The following APBB2 variants were observed in gnomAD, a reference collection of about 807,000 sequenced individuals.
APBB2 encodes amyloid beta precursor protein binding family B member 2, also known as Fe65-like 1.
Under a neutral mutation model 82.5 loss-of-function variants are expected in APBB2, and 38 were observed. The observed-to-expected ratio is 0.46, with a 90% confidence interval of 0.36 to 0.60. The LOEUF is 0.60. APBB2 is among the 20% of genes least tolerant of loss of function. The probability of loss-of-function intolerance (pLI) is 0.00; values close to 1 mark genes in which losing one functional copy is unlikely to be tolerated. For synonymous variants in APBB2, 341 were observed against 368.2 expected (o/e 0.93, Z 0.85); for missense variants, 772 against 972.3 (o/e 0.79, Z 2.74).
At chr4:40,900,063 T>C (rs1403349304) in intron 10 of APBB2, among the ~76,000 whole-genome samples, 1 of 152,182 alleles carries the variant, frequency 6.6e-6, no homozygotes, top group Non-Finnish European at 1.5e-5. Context: ...CCAGAACATA[T>C]AACAACGTTA....
chr4:40,996,197 T>C (rs943426353), intron 6 of APBB2, among the ~76,000 whole-genome samples: 3 of 152,248 alleles, frequency 2.0e-5, no homozygotes, highest in African/African-American at 7.2e-5. Context: ...GAGAGTTCAT[T>C]GGTGAATGAG....
At chr4:40,818,422 G>A (rs534459143) in intron 17 of APBB2, among the ~76,000 whole-genome samples, 1 of 152,202 alleles carries the variant, frequency 6.6e-6, no homozygotes, top group African/African-American at 2.4e-5. Flanking sequence ...AAAACTCATT[G>A]TCGTTATCAC....
chr4:40,881,100 A>C, intron 12 of APBB2: 1 of 985,436 alleles, frequency 1.0e-6, no homozygotes, highest in Non-Finnish European at 1.2e-6. Flanking sequence ...GCCACTTTTA[A>C]AGAGATAAAA....
At chr4:40,866,500 C>T (rs1282051657) in intron 12 of APBB2, among the ~76,000 whole-genome samples, 3 of 152,094 alleles carry the variant, frequency 2.0e-5, no homozygotes, top group Non-Finnish European at 4.4e-5. Flanking sequence ...TCTTCCTCCT[C>T]ACTTTGCTTT....
chr4:41,039,656 C>T (rs1048960297), intron 4 of APBB2, among the ~76,000 whole-genome samples: 1 of 152,060 alleles, frequency 6.6e-6, no homozygotes, highest in African/African-American at 2.4e-5. Context: ...GCCAAGAATT[C>T]AAGACCAGCC....
chr4:40,871,194 G>A (rs1003759498), intron 12 of APBB2, among the ~76,000 whole-genome samples: 1 of 151,958 alleles, frequency 6.6e-6, no homozygotes, highest in African/African-American at 2.4e-5. Flanking sequence ...CAGGCTAGAG[G>A]GCAATGTTGC....
intron 2 of APBB2, among the ~76,000 whole-genome samples, chr4:41,117,856 C>T (rs1751554522): frequency 1.3e-5 from 2 of 152,112 alleles, no homozygotes; most frequent in Non-Finnish European, 2.9e-5. Flanking sequence ...GGCAACTGTT[C>T]TACATGATGG....
rs900062108 is a variant in APBB2 at position 41,153,779 on chromosome 4, G to A, written c.-416-10637C>T. Among the ~76,000 whole-genome samples, 13 of 152,244 alleles carry A rather than the reference G, an allele frequency of 8.5e-5. No individual in the cohort carries two copies. The South Asian group carries it at 1.2e-3, about 15-fold the overall frequency. ...CTGTCAGAAACATAATCACATTTTC[G>A]AGGAGGGGTTTAATTTTAGTGAAAC... is the stretch of plus-strand genomic sequence containing the variant. On this transcript the variant is annotated intron_variant, in intron 1 of 17. Coordinates refer to ENST00000508593, the MANE Select transcript of APBB2 (RefSeq NM_004307.2).
intron 12 of APBB2, among the ~76,000 whole-genome samples, chr4:40,849,883 C>A (rs541830805): frequency 9.0e-5 from 2 of 22,270 alleles, no homozygotes; most frequent in Admixed American, 1.1e-3. Flanking sequence ...CGCCACCACA[C>A]CCAGCTATTT....
intron 2 of APBB2, among the ~76,000 whole-genome samples, chr4:41,112,884 G>A (rs1013337309): frequency 1.3e-5 from 2 of 152,112 alleles, no homozygotes; most frequent in Non-Finnish European, 2.9e-5. Flanking sequence ...CTACTCAGGA[G>A]GCTGAGGCAG....
chr4:40,912,306 C>T (rs1435591071), intron 10 of APBB2, among the ~76,000 whole-genome samples: 1 of 152,204 alleles, frequency 6.6e-6, no homozygotes. Context: ...TGGCTGGGCA[C>T]GGTGGCTCAC....
chr4:41,043,197 A>G (rs1722176407), intron 4 of APBB2, among the ~76,000 whole-genome samples: 1 of 152,186 alleles, frequency 6.6e-6, no homozygotes, highest in Non-Finnish European at 1.5e-5. Flanking sequence ...ATTTATCATA[A>G]GGACAAATAA....
intron 2 of APBB2, among the ~76,000 whole-genome samples, chr4:41,119,704 G>GGAGC (rs1752227997): frequency 6.6e-6 from 1 of 151,960 alleles, no homozygotes; most frequent in Non-Finnish European, 1.5e-5. Context: ...CACATACCCT[G>GGAGC]TCCAGAGACT....
intron 12 of APBB2, among the ~76,000 whole-genome samples, chr4:40,868,825 T>A (rs878970468): frequency 6.6e-6 from 1 of 152,220 alleles, no homozygotes; most frequent in Non-Finnish European, 1.5e-5. Context: ...ATTTTATTAT[T>A]TTTGCCATCA....
At chr4:41,084,819 G>T (rs920551801) in intron 3 of APBB2, 2 of 151,830 alleles carry the variant, frequency 1.3e-5, no homozygotes, top group African/African-American at 4.8e-5. Flanking sequence ...GAAAATTCTT[G>T]ATTTCTGAGG....
intron 10 of APBB2, among the ~76,000 whole-genome samples, chr4:40,900,441 C>G (rs1332574704): frequency 6.8e-6 from 1 of 146,406 alleles, no homozygotes; most frequent in Non-Finnish European, 1.5e-5. Flanking sequence ...GGGTTGGGAG[C>G]TCACGGAAGG....
intron 6 of APBB2, among the ~76,000 whole-genome samples, chr4:40,949,198 G>C (rs1051985440): frequency 6.6e-6 from 1 of 152,072 alleles, no homozygotes; most frequent in Non-Finnish European, 1.5e-5. Flanking sequence ...GAACCCGGGA[G>C]GTGGAGGTTG....
At chr4:41,174,212 G>A (rs1769131995) in intron 1 of APBB2, among the ~76,000 whole-genome samples, 1 of 152,164 alleles carries the variant, frequency 6.6e-6, no homozygotes, top group African/African-American at 2.4e-5. Flanking sequence ...GATTTCTTAA[G>A]AGATAACTAA....
intron 1 of APBB2, among the ~76,000 whole-genome samples, chr4:41,180,530 G>C (rs1350523015): frequency 3.5e-5 from 5 of 144,736 alleles, no homozygotes; most frequent in Admixed American, 1.3e-4. Flanking sequence ...ACTACTTGAT[G>C]GGGGGGCAGA....
Sources: allele counts gnomAD v4.1 joint callset (sites outside exome capture counted in the v4.1 genomes callset), GRCh38; gene constraint gnomAD v4.1.1; transcripts MANE v1.5; gene names NCBI Gene and HGNC (gene_info 2026-07-23, HGNC 2026-07-21).